The following IDO2 variants were observed in gnomAD, a reference collection of about 807,000 sequenced individuals.
IDO2 encodes indoleamine 2,3-dioxygenase 2.
A neutral mutation model predicts 45.1 loss-of-function variants in IDO2; 46 were observed. The observed-to-expected ratio is 1.02, with a 90% CI of 0.80 to 1.30. The LOEUF is 1.30. Among genes scored for constraint, IDO2 ranks in the 50% most tolerant of loss-of-function variants. The pLI is 0.00. For synonymous variants in IDO2, 218 were observed against 184.9 expected (o/e 1.18, Z -1.45); for missense variants, 544 against 491.8 (o/e 1.11, Z -1.00).
At chr8:40,002,046 A>ACC in intron 8 of IDO2, among the ~76,000 whole-genome samples, 1 of 152,294 alleles carries the variant, frequency 6.6e-6, no homozygotes, top group East Asian at 1.9e-4. Context: ...TCAGCCTCCC[A>ACC]AAGTGCTGGG....
intron 4 of IDO2, among the ~76,000 whole-genome samples, chr8:39,982,226 A>C (rs2909324): frequency 0.17 from 16,149 of 97,012 alleles, 939 homozygotes; most frequent in Middle Eastern, 0.27. Context: ...ATCTCTCTCT[A>C]TATATGTGTG....
intron 2 of IDO2, among the ~76,000 whole-genome samples, chr8:39,960,460 C>G (rs1376451828): frequency 6.6e-6 from 1 of 152,144 alleles, no homozygotes; most frequent in Non-Finnish European, 1.5e-5. Context: ...CTTGCAATAG[C>G]CAACTATAAA....
At chr8:40,015,472 G>A (rs1358131104) in exon 11 of IDO2, 1 of 1,613,928 alleles carries the variant, frequency 6.2e-7, no homozygotes, top group South Asian at 1.1e-5. Context: ...GCAAAGCATG[G>A]GAAGCCAAAC....
chr8:39,996,488 C>T (rs1802048572), intron 8 of IDO2, among the ~76,000 whole-genome samples: 1 of 152,144 alleles, frequency 6.6e-6, no homozygotes, highest in South Asian at 2.1e-4. Context: ...TGCCCCTTGC[C>T]TTGTATCTAA....
intron 9 of IDO2, among the ~76,000 whole-genome samples, chr8:40,007,223 G>A (rs968191995): frequency 1.3e-4 from 20 of 151,826 alleles, no homozygotes; most frequent in Admixed American, 7.9e-4. Context: ...CTGAAGCTGT[G>A]TCTGGATACA....
At chr8:40,009,997 C>T (rs1585422400) in intron 9 of IDO2, among the ~76,000 whole-genome samples, 1 of 151,868 alleles carries the variant, frequency 6.6e-6, no homozygotes, top group Admixed American at 6.6e-5. Context: ...GTAAAACCAA[C>T]CCTCAACTTG....
intron 5 of IDO2, chr8:39,985,080 T>C (rs1313888050): frequency 3.9e-5 from 12 of 308,786 alleles, no homozygotes; most frequent in Admixed American, 1.4e-4. Context: ...TGCAGGCACC[T>C]ACCACCACAC....
Position 40,010,586 on chromosome 8 carries a change from G to C in IDO2, c.720-2979G>C, listed in dbSNP as rs1437305470. Among the ~76,000 whole-genome samples the C allele has an allele frequency of 2.0e-5, 3 of 152,188 alleles. 1 individual carries two copies. The highest frequency in any genetic ancestry group is 4.1e-4 in the South Asian group (2 of 4,826). ...TCATTACAATCCAGGGTGGTGGCTT[G>C]TACTAGGGTACAAGGGCTAAAGGTG... On this transcript the variant is annotated intron_variant, in intron 9 of 10. Coordinates refer to ENST00000502986, the Ensembl canonical transcript of IDO2.
chr8:40,003,158 T>C (rs2129595249), intron 8 of IDO2, among the ~76,000 whole-genome samples: 1 of 152,090 alleles, frequency 6.6e-6, no homozygotes, highest in South Asian at 2.1e-4. Context: ...TCACCTGAGG[T>C]CAGGAGTTTG....
At chr8:39,994,954 G>A (rs1802011190) in intron 8 of IDO2, among the ~76,000 whole-genome samples, 1 of 152,026 alleles carries the variant, frequency 6.6e-6, no homozygotes, top group African/African-American at 2.4e-5. Flanking sequence ...AAGATCAAGA[G>A]CACACTACTA....
At chr8:39,954,802 C>G (rs1017573048) in intron 2 of IDO2, among the ~76,000 whole-genome samples, 2 of 151,606 alleles carry the variant, frequency 1.3e-5, no homozygotes, top group Admixed American at 6.6e-5. Context: ...ATTACAGGTG[C>G]GCACCACAAA....
chr8:39,986,573 G>T (rs1426129903), intron 6 of IDO2: 2 of 152,044 alleles, frequency 1.3e-5, no homozygotes, highest in Non-Finnish European at 2.9e-5. Context: ...TAAGGTTTTA[G>T]GTTTTGTAGA....
At chr8:39,936,206 AT>A (rs1807547208) in intron 1 of IDO2, among the ~76,000 whole-genome samples, 1 of 152,174 alleles carries the variant, frequency 6.6e-6, no homozygotes, top group Non-Finnish European at 1.5e-5. Flanking sequence ...AAGGTCATCT[AT>A]TTTACAAGGT....
chr8:39,956,059 C>CT (rs34663844), intron 2 of IDO2, among the ~76,000 whole-genome samples: 1,814 of 131,404 alleles, frequency 0.014, 43 homozygotes, highest in African/African-American at 0.043. Flanking sequence ...CATTAGATGA[C>CT]TTTTTTTTTT....
chr8:39,979,005 C>G, intron 3 of IDO2, 62 bp from the exon 4 acceptor site: 2 of 1,527,628 alleles, frequency 1.3e-6, no homozygotes, highest in Non-Finnish European at 1.8e-6. Flanking sequence ...CCCCGGCCCC[C>G]GTTACCTCCC....
intron 3 of IDO2, 23 bp downstream of exon 3, chr8:39,963,726 A>G (rs1287938699): frequency 1.4e-5 from 19 of 1,381,406 alleles, no homozygotes; most frequent in Non-Finnish European, 1.9e-5. Flanking sequence ...TCACCCCCTC[A>G]TCACATTCTG....
rs545190831 is a variant in IDO2 at position 39,943,127 on chromosome 8, G to T, written c.-17-6022G>T. 2.0e-5 allele frequency among the ~76,000 whole-genome samples: 3 copies of T among 152,168 alleles called. 1 individual carries two copies. In the East Asian group the frequency reaches 5.8e-4, roughly 29 times the overall value. On this transcript the variant is annotated intron_variant, in intron 1 of 10. Coordinates refer to ENST00000502986, the Ensembl canonical transcript of IDO2. ...TCACGCCTGTAATCCCAGCAGTTTG[G>T]GAGGCTGAGGTGGGTGGATCACTTG...
chr8:39,963,511 T>G, intron 2 of IDO2, 97 bp from the exon 3 acceptor site: 1 of 692,322 alleles, frequency 1.4e-6, no homozygotes, highest in Non-Finnish European at 2.5e-6. Flanking sequence ...TGCATTGACT[T>G]GAATTCCCCT....
intron 8 of IDO2, among the ~76,000 whole-genome samples, chr8:39,996,632 G>A (rs981037436): frequency 1.3e-5 from 2 of 151,254 alleles, no homozygotes; most frequent in African/African-American, 4.9e-5. Context: ...TCTTGTCTCC[G>A]CACACGAGGA....
Sources: allele counts gnomAD v4.1 joint callset (sites outside exome capture counted in the v4.1 genomes callset), GRCh38; gene constraint gnomAD v4.1.1; transcripts MANE v1.5; gene names NCBI Gene and HGNC (gene_info 2026-07-23, HGNC 2026-07-21).